QRICH1: variants seen among roughly 807,000 people sequenced by gnomAD.
QRICH1 encodes the protein transcriptional regulator QRICH1.
QRICH1 carries 16 observed loss-of-function variants against 87.1 expected under a neutral mutation model. The observed-to-expected ratio is 0.18, with a 90% CI of 0.12 to 0.28. The LOEUF is 0.28. QRICH1 is among the 10% of genes least tolerant of loss of function. The pLI is 1.00. For missense variants in QRICH1, 647 were observed against 951.7 expected (o/e 0.68, Z 4.21); for synonymous variants, 367 against 368.4 (o/e 1.00, Z 0.05).
At chr3:49,037,569 T>C (rs1365285541) in intron 6 of QRICH1, among the ~76,000 whole-genome samples, 1 of 152,132 alleles carries the variant, frequency 6.6e-6, no homozygotes, top group Non-Finnish European at 1.5e-5. Context: ...CCGTATCAAC[T>C]GAAAATACAA....
chr3:49,068,644 T>G (rs1034423165), intron 2 of QRICH1, among the ~76,000 whole-genome samples: 2 of 151,418 alleles, frequency 1.3e-5, no homozygotes, highest in African/African-American at 4.9e-5. Flanking sequence ...CTTTTTTTTT[T>G]TGTGATGGGG....
chr3:49,031,636 T>C (rs909481288), intron 9 of QRICH1, among the ~76,000 whole-genome samples: 2 of 152,178 alleles, frequency 1.3e-5, no homozygotes, highest in African/African-American at 4.8e-5. Flanking sequence ...AATCTGGAAA[T>C]GCTTCCCTGA....
intron 2 of QRICH1, 129 bp downstream of exon 2, chr3:49,076,580 C>A: frequency 1.0e-6 from 1 of 956,248 alleles, no homozygotes; most frequent in Non-Finnish European, 1.4e-6. Flanking sequence ...TTTTAGTCCA[C>A]ATTAACTTTG....
intron 1 of QRICH1, among the ~76,000 whole-genome samples, chr3:49,083,007 G>C (rs957668359): frequency 6.6e-6 from 1 of 151,644 alleles, no homozygotes; most frequent in Non-Finnish European, 1.5e-5. Flanking sequence ...GGGAGTTCGA[G>C]ACCAGCCTGA....
intron 1 of QRICH1, among the ~76,000 whole-genome samples, chr3:49,082,055 C>T (rs1452149509): frequency 1.3e-5 from 2 of 152,140 alleles, no homozygotes; most frequent in African/African-American, 2.4e-5. Flanking sequence ...ATCTGCTGGC[C>T]TTGGCCTCCC....
chr3:49,084,271 A>G (rs2042126454), intron 1 of QRICH1, among the ~76,000 whole-genome samples: 1 of 151,242 alleles, frequency 6.6e-6, no homozygotes, highest in African/African-American at 2.4e-5. Context: ...TTTTATTTTT[A>G]TTGAGACACA....
At chr3:49,063,366 T>C (rs2093446355) in intron 2 of QRICH1, among the ~76,000 whole-genome samples, 1 of 152,174 alleles carries the variant, frequency 6.6e-6, no homozygotes, top group Non-Finnish European at 1.5e-5. Flanking sequence ...TTCTAAGAAG[T>C]GGTTTTATCA....
chr3:49,043,314 G>A (rs887637732), intron 6 of QRICH1, among the ~76,000 whole-genome samples: 2 of 150,616 alleles, frequency 1.3e-5, no homozygotes, highest in Non-Finnish European at 3.0e-5. Context: ...TGACCAATAT[G>A]ATGAAACCCT....
intron 6 of QRICH1, among the ~76,000 whole-genome samples, chr3:49,043,816 G>C (rs964455573): frequency 6.6e-6 from 1 of 152,150 alleles, no homozygotes; most frequent in East Asian, 1.9e-4. Flanking sequence ...CTGGGCTATA[G>C]AGTGAGACTC....
At chr3:49,081,867 G>A (rs1036974865) in intron 1 of QRICH1, among the ~76,000 whole-genome samples, 18 of 151,944 alleles carry the variant, frequency 1.2e-4, no homozygotes, top group African/African-American at 4.1e-4. Flanking sequence ...GAGTGCAGTG[G>A]CGTCATCTCT....
Position 49,057,804 on chromosome 3 carries a change from G to A in QRICH1, c.396C>T (p.Pro132=). 1 of 1,614,104 alleles carries A rather than the reference G, an allele frequency of 6.2e-7. No individual in the cohort carries two copies. The highest frequency in any genetic ancestry group is 8.5e-7 in the Non-Finnish European group (1 of 1,180,016). The change falls in exon 3 of 10, where the codon CCC becomes CCT. Residue 132 remains proline (P), a synonymous_variant. Transcript: ENST00000395443. The surrounding 1 kb of genome is among the most constrained non-coding windows in gnomAD (Gnocchi z 5.4). The stretch of plus-strand genomic sequence containing the variant: ...CTTGGATCTGCACCTGGACCTGGAT[G>A]GGTTGCTCAGTAGGCTGGTGAACGG... ...QLTVHQPTEQ[P]IQVQVQIQGQ... is the part of the protein sequence containing the mutation.
intron 3 of QRICH1, chr3:49,056,658 A>T: frequency 2.0e-6 from 2 of 977,180 alleles, no homozygotes; most frequent in Non-Finnish European, 3.0e-6. Context: ...TGGCCATCTC[A>T]TTTACCTCCA....
At chr3:49,089,691 A>C (rs2042236304) in intron 1 of QRICH1, among the ~76,000 whole-genome samples, 1 of 152,282 alleles carries the variant, frequency 6.6e-6, no homozygotes, top group Non-Finnish European at 1.5e-5. Flanking sequence ...CAATGTGAAC[A>C]AATTTCAGAA....
chr3:49,074,110 G>C (rs1169856619), intron 2 of QRICH1, among the ~76,000 whole-genome samples: 1 of 152,114 alleles, frequency 6.6e-6, no homozygotes, highest in Non-Finnish European at 1.5e-5. Context: ...AACAAACACA[G>C]ACCCAGAAAT....
intron 3 of QRICH1, 139 bp downstream of exon 3, chr3:49,056,723 C>A: frequency 7.1e-7 from 1 of 1,399,192 alleles, no homozygotes. Flanking sequence ...TGTTTCTCCC[C>A]CTCTTCTCCC....
chr3:49,058,626 T>C (rs534995855), intron 2 of QRICH1, among the ~76,000 whole-genome samples: 3 of 151,658 alleles, frequency 2.0e-5, no homozygotes, highest in African/African-American at 7.3e-5. Context: ...ACGGCCGGCA[T>C]TTTTATTTCC....
In QRICH1 at chr3:49,030,240, G is replaced by C. The variant is rs2093226489; in HGVS notation, c.*212C>G. On this transcript the variant is annotated 3_prime_UTR_variant, in exon 10 of 10. Coordinates refer to ENST00000395443, the MANE Select transcript of QRICH1 (RefSeq NM_198880.3). The stretch of plus-strand genomic sequence containing the variant: ...GACATATGACACTCAAGGAAACCCA[G>C]AGCCACCATCGGCTGAGGAGTCTGC... 1.8e-6 allele frequency: 1 copy of C among 562,630 alleles called. No individual in the cohort carries two copies. The highest frequency in any genetic ancestry group is 3.5e-5 in the Admixed American group (1 of 28,300). The allele number at this position is 562,630 out of a possible 1,614,324, so 34.9% of individuals were successfully genotyped here. A position where few individuals can be genotyped will look rare whatever the true frequency, so the allele number is the denominator to read the frequency against.
chr3:49,075,157 AC>A (rs1191080509), intron 2 of QRICH1, among the ~76,000 whole-genome samples: 1 of 150,714 alleles, frequency 6.6e-6, no homozygotes, highest in African/African-American at 2.4e-5. Context: ...CTATATCTCT[AC>A]AAAAAAAAAA....
At chr3:49,069,349 G>A (rs1458986923) in intron 2 of QRICH1, among the ~76,000 whole-genome samples, 2 of 150,828 alleles carry the variant, frequency 1.3e-5, no homozygotes, top group Non-Finnish European at 3.0e-5. Context: ...TGATCCACCC[G>A]CCTTGTCCTC....
Sources: allele counts gnomAD v4.1 joint callset (sites outside exome capture counted in the v4.1 genomes callset), GRCh38; gene constraint gnomAD v4.1.1; non-coding constraint Gnocchi (gnomAD v3.1); transcripts MANE v1.5; gene names NCBI Gene and HGNC (gene_info 2026-07-23, HGNC 2026-07-21).